The following BCKDHB variants were observed in gnomAD, a reference collection of about 807,000 sequenced individuals.
BCKDHB encodes the protein 2-oxoisovalerate dehydrogenase subunit beta, mitochondrial.
In BCKDHB, 41 loss-of-function variants were observed where a neutral mutation model predicts 48.5. The ratio of observed to expected loss-of-function variants is 0.85; its 90% CI spans 0.66 to 1.10. The LOEUF (loss-of-function observed/expected upper bound fraction) is 1.10. Ranked by LOEUF, BCKDHB falls within the 50% of genes least tolerant of loss-of-function variation. The probability of loss-of-function intolerance (pLI) is 0.00; values close to 1 mark genes in which losing one functional copy is unlikely to be tolerated. For missense variants in BCKDHB, 496 were observed against 494.2 expected (o/e 1.00, Z -0.03); for synonymous variants, 201 against 174.8 (o/e 1.15, Z -1.18).
the BCKDHB span, among the ~76,000 whole-genome samples, chr6:80,405,657 T>C: frequency 6.6e-6 from 1 of 152,118 alleles, no homozygotes; most frequent in Non-Finnish European, 1.5e-5. Flanking sequence ...AGTGCAGTGG[T>C]ATGCTTTGAT....
chr6:80,374,454 A>G, the BCKDHB span: 2 of 757,288 alleles, frequency 2.6e-6, no homozygotes, highest in Non-Finnish European at 4.9e-6. Context: ...TCATATATGC[A>G]TACCCTTGAT....
chr6:80,266,189 A>G (rs1562188085), intron 8 of BCKDHB, among the ~76,000 whole-genome samples: 1 of 152,130 alleles, frequency 6.6e-6, no homozygotes, highest in Non-Finnish European at 1.5e-5. Context: ...ATCACATGTT[A>G]CAATTTCTTT....
chr6:80,433,456 T>C, the BCKDHB span, among the ~76,000 whole-genome samples: 2 of 152,178 alleles, frequency 1.3e-5, no homozygotes, highest in African/African-American at 4.8e-5. Flanking sequence ...TTGTTTATAC[T>C]GTAAGGGGAA....
intron 1 of BCKDHB, among the ~76,000 whole-genome samples, chr6:80,109,834 T>G (rs965598013): frequency 2.6e-5 from 4 of 152,170 alleles, no homozygotes; most frequent in South Asian, 2.1e-4. Context: ...CTAGACAATA[T>G]TATGCTCATT....
chr6:80,362,027 A>G, the BCKDHB span, among the ~76,000 whole-genome samples: 30 of 152,298 alleles, frequency 2.0e-4, no homozygotes, highest in African/African-American at 6.7e-4. Flanking sequence ...CCATCTGTGT[A>G]TACCAACTCA....
At chr6:80,306,050 T>A (rs1158432715) in intron 9 of BCKDHB, among the ~76,000 whole-genome samples, 1 of 152,180 alleles carries the variant, frequency 6.6e-6, no homozygotes, top group Non-Finnish European at 1.5e-5. Flanking sequence ...TCCATATGGC[T>A]ATCGTGAAGA....
At chr6:80,260,543 T>C (rs1290828645) in intron 8 of BCKDHB, among the ~76,000 whole-genome samples, 1 of 152,176 alleles carries the variant, frequency 6.6e-6, no homozygotes, top group Admixed American at 6.5e-5. Context: ...AGAATCCTTT[T>C]TCCTGCATAT....
chr6:80,182,824 T>A (rs1043413988), intron 6 of BCKDHB, among the ~76,000 whole-genome samples: 1 of 152,206 alleles, frequency 6.6e-6, no homozygotes, highest in Non-Finnish European at 1.5e-5. Context: ...ACACAAATAA[T>A]ACAAATAAGA....
At chr6:80,392,369 T>A in the BCKDHB span, among the ~76,000 whole-genome samples, 308 of 152,088 alleles carry the variant, frequency 2.0e-3, 2 homozygotes, top group African/African-American at 4.6e-3. Context: ...TGTATTTTTT[T>A]TTTATTTATT....
At chr6:80,448,314 G>T in the BCKDHB span, among the ~76,000 whole-genome samples, 1 of 152,174 alleles carries the variant, frequency 6.6e-6, no homozygotes, top group Non-Finnish European at 1.5e-5. Context: ...ATAGGTTTTA[G>T]GATTTTTATA....
intron 6 of BCKDHB, among the ~76,000 whole-genome samples, chr6:80,173,491 A>C (rs1773012444): frequency 6.6e-6 from 1 of 152,178 alleles, no homozygotes; most frequent in Admixed American, 6.5e-5. Context: ...GGGCCAGCAG[A>C]ATAATCATCA....
chr6:80,188,129 A>G (rs1407337070), intron 6 of BCKDHB, among the ~76,000 whole-genome samples: 1 of 152,184 alleles, frequency 6.6e-6, no homozygotes, highest in Non-Finnish European at 1.5e-5. Flanking sequence ...TATATACACC[A>G]TGGAAAACTC....
At chr6:80,337,424 A>C (rs1769649578) in intron 9 of BCKDHB, among the ~76,000 whole-genome samples, 1 of 152,050 alleles carries the variant, frequency 6.6e-6, no homozygotes, top group African/African-American at 2.4e-5. Flanking sequence ...TTAGAAGCAG[A>C]ATATCTGCTG....
chr6:80,375,582 T>A, the BCKDHB span, among the ~76,000 whole-genome samples: 1 of 152,168 alleles, frequency 6.6e-6, no homozygotes, highest in Non-Finnish European at 1.5e-5. Context: ...TTTCATTAAG[T>A]TGGACTTACC....
At chr6:80,289,758 G>T (rs180769463) in intron 9 of BCKDHB, among the ~76,000 whole-genome samples, 15 of 152,258 alleles carry the variant, frequency 9.9e-5, no homozygotes, top group Non-Finnish European at 1.0e-4. Flanking sequence ...TCTCCCTGGG[G>T]AGCAGGCAGA....
At chr6:80,303,094 C>T (rs1767667346) in intron 9 of BCKDHB, among the ~76,000 whole-genome samples, 1 of 152,108 alleles carries the variant, frequency 6.6e-6, no homozygotes, top group African/African-American at 2.4e-5. Flanking sequence ...AAAGTCCTCA[C>T]CTATTACCTG....
At chr6:80,332,027 AT>A (rs1482437343) in intron 9 of BCKDHB, among the ~76,000 whole-genome samples, 1 of 152,292 alleles carries the variant, frequency 6.6e-6, no homozygotes, top group East Asian at 1.9e-4. Flanking sequence ...TGCATATATA[AT>A]TTTTTGAAGA....
chr6:80,196,632 C>T (rs1774142887), intron 6 of BCKDHB, among the ~76,000 whole-genome samples: 1 of 151,926 alleles, frequency 6.6e-6, no homozygotes, highest in Admixed American at 6.6e-5. Flanking sequence ...GTATATTAAA[C>T]TTGGTATATA....
chr6:80,388,494 G>A, the BCKDHB span, among the ~76,000 whole-genome samples: 2 of 152,178 alleles, frequency 1.3e-5, no homozygotes, highest in Admixed American at 6.5e-5. Flanking sequence ...CATGTGACCT[G>A]AACTGCCTAT....
Sources: allele counts gnomAD v4.1 joint callset (sites outside exome capture counted in the v4.1 genomes callset), GRCh38; gene constraint gnomAD v4.1.1; transcripts MANE v1.5; gene names NCBI Gene and HGNC (gene_info 2026-07-23, HGNC 2026-07-21).